RFX2: variants seen among roughly 807,000 people sequenced by gnomAD.
RFX2 encodes the protein regulatory factor X2.
A neutral mutation model predicts 87.8 loss-of-function variants in RFX2; 20 were observed. The ratio of observed to expected loss-of-function variants is 0.23; its 90% CI spans 0.16 to 0.33. RFX2 has a LOEUF of 0.33. Ranked by LOEUF, RFX2 falls within the 10% of genes least tolerant of loss-of-function variation. The pLI is 1.00. For synonymous variants in RFX2, 397 were observed against 431.3 expected (o/e 0.92, Z 0.98); for missense variants, 767 against 1,012.3 (o/e 0.76, Z 3.29).
Position 6,026,594 on chromosome 19 carries a change from C to G in RFX2, c.523-357G>C, listed in dbSNP as rs1599864228. 2 of 298,648 alleles carry G rather than the reference C, an allele frequency of 6.7e-6. No homozygotes were observed. Among genetic ancestry groups the G allele is most frequent in the Non-Finnish European group, 1.3e-5 (2 of 156,808 alleles). The allele number at this position is 298,648 out of a possible 1,614,324, so 18.5% of individuals were successfully genotyped here. On this transcript the variant is annotated intron_variant, in intron 5 of 17. Coordinates refer to ENST00000303657, the MANE Select transcript of RFX2 (RefSeq NM_000635.4). The surrounding 1 kb of genome is among the most constrained non-coding windows in gnomAD (Gnocchi z 4.5). ...TCCATTCCAGTGTCAGCCAAGCCAG[C>G]ATCATAGTCACCTGCTCCTTTCCCC...
At position 6,011,182 on chromosome 19, in the gene RFX2, G is replaced by A. The variant is rs768753824; in HGVS notation, c.900-931C>T. Among the ~76,000 whole-genome samples, 34 of 152,188 alleles carry A rather than the reference G, an allele frequency of 2.2e-4. No homozygotes were observed. Among genetic ancestry groups the A allele is most frequent in the Non-Finnish European group, 3.7e-4 (25 of 68,016 alleles). ...ATAAAATAAAAGGGAGATTCTTTGC[G>A]TGAATCACAAACATCTTATTATTGG... On this transcript the variant is annotated intron_variant, in intron 8 of 17. Coordinates refer to ENST00000303657, the MANE Select transcript of RFX2 (RefSeq NM_000635.4). This position sits in a 1 kb window ranked among gnomAD's most constrained non-coding sequence, Gnocchi z 4.8.
chr19:6,096,645 A>G (rs906858859), intron 1 of RFX2, among the ~76,000 whole-genome samples: 1 of 152,070 alleles, frequency 6.6e-6, no homozygotes, highest in Non-Finnish European at 1.5e-5. Flanking sequence ...ACGGGGTTTC[A>G]CCATGTTAGC....
At position 6,047,632 on chromosome 19, in the gene RFX2, C is replaced by T; in HGVS notation, c.-8-128G>A. 2.7e-6 allele frequency: 2 copies of T among 732,792 alleles called. No homozygotes were observed. The highest frequency in any genetic ancestry group is 4.6e-6 in the Non-Finnish European group (2 of 431,940). The allele number at this position is 732,792 out of a possible 1,614,324, so 45.4% of individuals were successfully genotyped here. A position where few individuals can be genotyped will look rare whatever the true frequency, so the allele number is the denominator to read the frequency against. ...TTCTTCAAAGTCGAAAGGCAGAGAC[C>T]CTGGTGGTACTGCCTAAGTGAGGAG... is the stretch of plus-strand genomic sequence containing the variant. On this transcript the variant is annotated intron_variant, in intron 1 of 17. Transcript: ENST00000303657. This position sits in a 1 kb window ranked among gnomAD's most constrained non-coding sequence, Gnocchi z 4.2.
intron 1 of RFX2, among the ~76,000 whole-genome samples, chr19:6,097,309 T>G (rs1599931417): frequency 6.6e-6 from 1 of 152,120 alleles, no homozygotes; most frequent in Non-Finnish European, 1.5e-5. Flanking sequence ...ACTTGGGCCT[T>G]GCCTTTCTTC....
At chr19:6,088,348 A>G (rs2087886772) in intron 1 of RFX2, among the ~76,000 whole-genome samples, 1 of 148,774 alleles carries the variant, frequency 6.7e-6, no homozygotes, top group Non-Finnish European at 1.5e-5. Context: ...AGTGGCTAGT[A>G]TTACAGGCAT....
intron 1 of RFX2, among the ~76,000 whole-genome samples, chr19:6,070,019 G>A (rs56127434): frequency 0.8 from 23,558 of 29,326 alleles, 8,899 homozygotes; most frequent in Admixed American, 0.82. Flanking sequence ...GATGGGATGG[G>A]ATGGGATGTG....
chr19:6,095,408 T>A (rs1187738966), intron 1 of RFX2, among the ~76,000 whole-genome samples: 1 of 152,208 alleles, frequency 6.6e-6, no homozygotes, highest in African/African-American at 2.4e-5. Context: ...AGACATGGCC[T>A]CTATCCTCAA....
At chr19:6,015,779 G>T (rs1292629124) in intron 7 of RFX2, among the ~76,000 whole-genome samples, 3 of 152,120 alleles carry the variant, frequency 2.0e-5, no homozygotes, top group Admixed American at 6.5e-5. Context: ...GGGATTTCAG[G>T]TGTGCACCAC....
chr19:6,044,550 C>G lies in RFX2; in HGVS notation c.91-268G>C, dbSNP rs562727498. Among the ~76,000 whole-genome samples, 1 of 152,206 alleles carries G rather than the reference C, an allele frequency of 6.6e-6. No homozygotes were observed. Among genetic ancestry groups the G allele is most frequent in the African/African-American group, 2.4e-5 (1 of 41,458 alleles). On this transcript the variant is annotated intron_variant, in intron 2 of 17. Transcript: ENST00000303657. The surrounding 1 kb of genome is among the most constrained non-coding windows in gnomAD (Gnocchi z 5.3). ...TCAGCCCATGCACCACACATATGCA[C>G]GAATTGTGGGCACACACACACGTAT... is the stretch of plus-strand genomic sequence containing the variant.
At chr19:6,038,992 C>A (rs1173796057) in intron 5 of RFX2, among the ~76,000 whole-genome samples, 1 of 152,160 alleles carries the variant, frequency 6.6e-6, no homozygotes, top group Non-Finnish European at 1.5e-5. Flanking sequence ...AGAAAGAAAA[C>A]ATATGTCCTT....
chr19:6,044,166 G>T lies in RFX2; in HGVS notation c.180+27C>A. On this transcript the variant is annotated intron_variant, in intron 3 of 17. Transcript: ENST00000303657. This position sits in a 1 kb window ranked among gnomAD's most constrained non-coding sequence, Gnocchi z 5.3. ...CTGAGTGCTAACTGCGCCCCGGTTT[G>T]CACGGTGCTGCGGTGCTTGTCATTA... The T allele has an allele frequency of 2.2e-6, 3 of 1,387,694 alleles. No homozygotes were observed. The highest frequency in any genetic ancestry group is 1.9e-6 in the Non-Finnish European group (2 of 1,051,108). The allele number at this position is 1,387,694 out of a possible 1,614,324, so 86.0% of individuals were successfully genotyped here.
rs2086586648 is a variant in RFX2 at position 6,006,688 on chromosome 19, G to C, written c.1402+324C>G. On this transcript the variant is annotated intron_variant, in intron 12 of 17. Transcript: ENST00000303657. Reference sequence around the variant, plus strand: ...TGGTCTCAAACTCCTGACCTCAAATGATCTGCCCGCCTCAGCCTCCCAAAG... The same window carrying C: ...TGGTCTCAAACTCCTGACCTCAAATCATCTGCCCGCCTCAGCCTCCCAAAG... Among the ~76,000 whole-genome samples, 3 of 151,684 alleles carry C rather than the reference G, an allele frequency of 2.0e-5. No homozygotes were observed. The South Asian group carries it at 6.2e-4, about 32-fold the overall frequency.
chr19:6,042,404 AC>A (rs2087123947), intron 3 of RFX2, among the ~76,000 whole-genome samples: 1 of 152,002 alleles, frequency 6.6e-6, no homozygotes, highest in South Asian at 2.1e-4. Flanking sequence ...TGGGGGCGGG[AC>A]CAGGAGAATG....
intron 7 of RFX2, among the ~76,000 whole-genome samples, chr19:6,014,880 C>T (rs558087458): frequency 3.9e-5 from 6 of 152,328 alleles, no homozygotes; most frequent in African/African-American, 1.2e-4. Flanking sequence ...GCCAGGACAC[C>T]GGCTTTGAGA....
chr19:5,998,200 C>T lies in RFX2; in HGVS notation c.1860-987G>A, dbSNP rs955756170. ...GCACATGCCTGTAATCCCAGCTACT[C>T]GGGAGGCTAAGGCAGGAAAATTGCT... On this transcript the variant is annotated intron_variant, in intron 15 of 17. Coordinates refer to ENST00000303657, the MANE Select transcript of RFX2 (RefSeq NM_000635.4). This position sits in a 1 kb window ranked among gnomAD's most constrained non-coding sequence, Gnocchi z 4.2. 1.3e-5 allele frequency among the ~76,000 whole-genome samples: 2 copies of T among 152,100 alleles called. No homozygotes were observed. Among genetic ancestry groups the T allele is most frequent in the African/African-American group, 2.4e-5 (1 of 41,418 alleles).
chr19:6,028,930 T>G (rs1164472737), intron 5 of RFX2, among the ~76,000 whole-genome samples: 1 of 151,590 alleles, frequency 6.6e-6, no homozygotes, highest in Non-Finnish European at 1.5e-5. Flanking sequence ...CCAAAAAAAA[T>G]TAGGTGGGTG....
chr19:6,058,156 T>C (rs1317027249), intron 1 of RFX2, among the ~76,000 whole-genome samples: 1 of 152,178 alleles, frequency 6.6e-6, no homozygotes, highest in Non-Finnish European at 1.5e-5. Flanking sequence ...ACTGTGGACA[T>C]TGGGGACGGA....
At chr19:6,048,488 G>A (rs2087226231) in intron 1 of RFX2, among the ~76,000 whole-genome samples, 1 of 152,190 alleles carries the variant, frequency 6.6e-6, no homozygotes, top group Admixed American at 6.5e-5. Context: ...ACTTAGGTAG[G>A]GAGGTGGCTT....
Position 6,047,594 on chromosome 19 carries a change from G to C in RFX2, c.-8-90C>G. 12 of 1,008,188 alleles carry C rather than the reference G, an allele frequency of 1.2e-5. No individual in the cohort carries two copies. Among genetic ancestry groups the C allele is most frequent in the Non-Finnish European group, 1.8e-5 (12 of 664,420 alleles). 62.5% of individuals were successfully genotyped at this position (1,008,188 alleles called of 1,614,324 possible). ...CTAACAAGTTCAAGGGAGGGAAGGA[G>C]TAACCAGCTACATTCTTCAAAGTCG... On this transcript the variant is annotated intron_variant, in intron 1 of 17. Coordinates refer to ENST00000303657, the MANE Select transcript of RFX2 (RefSeq NM_000635.4). The surrounding 1 kb of genome is among the most constrained non-coding windows in gnomAD (Gnocchi z 4.2).
Sources: allele counts gnomAD v4.1 joint callset (sites outside exome capture counted in the v4.1 genomes callset), GRCh38; gene constraint gnomAD v4.1.1; non-coding constraint Gnocchi (gnomAD v3.1); transcripts MANE v1.5; gene names NCBI Gene and HGNC (gene_info 2026-07-23, HGNC 2026-07-21).